Variants in GARIN2 observed in about 807,000 individuals in gnomAD.
The protein encoded by GARIN2 is Golgi-associated RAB2 interactor protein 2.
chr14:67,221,608 T>G, the GARIN2 span: 4 of 521,916 alleles, frequency 7.7e-6, no homozygotes, highest in East Asian at 5.9e-4. Context: ...ATTTAGGTAA[T>G]TTTATTCTCA....
At chr14:67,197,395 C>A in the GARIN2 span, 1 of 152,154 alleles carries the variant, frequency 6.6e-6, no homozygotes, top group African/African-American at 2.4e-5. Context: ...ACCATGTGGG[C>A]TGCATGGCCA....
At chr14:67,194,550 G>T in the GARIN2 span, among the ~76,000 whole-genome samples, 1 of 152,034 alleles carries the variant, frequency 6.6e-6, no homozygotes, top group African/African-American at 2.4e-5. Flanking sequence ...CTGTCACACA[G>T]GCTAGAGTGC....
At chr14:67,221,895 A>G in the GARIN2 span, 1 of 1,524,220 alleles carries the variant, frequency 6.6e-7, no homozygotes, top group Non-Finnish European at 8.9e-7. Flanking sequence ...TGTGGCTAAG[A>G]GCAAAGGAAT....
chr14:67,192,130 CAT>C, the GARIN2 span, among the ~76,000 whole-genome samples: 2 of 152,246 alleles, frequency 1.3e-5, no homozygotes, highest in Admixed American at 1.3e-4. Flanking sequence ...TTCCCTGCAA[CAT>C]AGCTCTGCAT....
the GARIN2 span, among the ~76,000 whole-genome samples, chr14:67,211,207 G>C: frequency 6.6e-6 from 1 of 152,004 alleles, no homozygotes; most frequent in Admixed American, 6.6e-5. Flanking sequence ...ACAATACCAG[G>C]CTCATGGTAA....
the GARIN2 span, among the ~76,000 whole-genome samples, chr14:67,210,729 G>T: frequency 6.6e-6 from 1 of 151,694 alleles, no homozygotes; most frequent in Non-Finnish European, 1.5e-5. Flanking sequence ...AATGAACTTT[G>T]CCACAGGTCA....
At chr14:67,220,433 C>T in the GARIN2 span, among the ~76,000 whole-genome samples, 1 of 150,986 alleles carries the variant, frequency 6.6e-6, no homozygotes, top group Non-Finnish European at 1.5e-5. Context: ...CAGAGAGAGA[C>T]CTTTTCTCAG....
At chr14:67,215,401 C>A in the GARIN2 span, among the ~76,000 whole-genome samples, 1 of 138,906 alleles carries the variant, frequency 7.2e-6, no homozygotes, top group Non-Finnish European at 1.5e-5. Context: ...GAACACTGAT[C>A]TATTGTTTTT....
the GARIN2 span, chr14:67,203,283 G>T: frequency 6.3e-7 from 1 of 1,585,652 alleles, no homozygotes; most frequent in Non-Finnish European, 8.6e-7. Context: ...AGAGAAACTA[G>T]TGCTCACCAG....
At chr14:67,212,515 TGGG>T in the GARIN2 span, among the ~76,000 whole-genome samples, 2 of 149,558 alleles carry the variant, frequency 1.3e-5, no homozygotes, top group Non-Finnish European at 3.0e-5. Flanking sequence ...CACCTAATCC[TGGG>T]GGGTTGAGGC....
the GARIN2 span, chr14:67,224,088 T>C: frequency 6.3e-6 from 5 of 790,742 alleles, no homozygotes; most frequent in Admixed American, 6.3e-5. Context: ...CTCAAATTCA[T>C]CTCTCAAACC....
the GARIN2 span, chr14:67,204,634 C>A: frequency 2.5e-6 from 4 of 1,613,822 alleles, no homozygotes. Flanking sequence ...CTACTTACAG[C>A]TCTGCACCTC....
At chr14:67,224,010 C>G in the GARIN2 span, 1 of 980,790 alleles carries the variant, frequency 1.0e-6, no homozygotes, top group Non-Finnish European at 1.2e-6. Context: ...AGTAGTAAAA[C>G]AAATTCCTGG....
the GARIN2 span, among the ~76,000 whole-genome samples, chr14:67,212,648 T>TATATATATGTA: frequency 6.8e-6 from 1 of 146,270 alleles, no homozygotes; most frequent in African/African-American, 2.5e-5. Flanking sequence ...ATATTACATA[T>TATATATATGTA]ATATATAATA....
chr14:67,208,143 A>T, the GARIN2 span: 1 of 1,594,502 alleles, frequency 6.3e-7, no homozygotes, highest in Non-Finnish European at 8.5e-7. Flanking sequence ...TGTTCCACAA[A>T]CACCTATTAC....
chr14:67,209,893 G>C, the GARIN2 span, among the ~76,000 whole-genome samples: 1 of 150,930 alleles, frequency 6.6e-6, no homozygotes, highest in East Asian at 1.9e-4. Context: ...GTAGGAATTT[G>C]TAAGGGATCC....
At chr14:67,208,622 T>C in the GARIN2 span, among the ~76,000 whole-genome samples, 1 of 152,352 alleles carries the variant, frequency 6.6e-6, no homozygotes, top group African/African-American at 2.4e-5. Flanking sequence ...TGGTTCAACT[T>C]TGGCTAATTT....
At chr14:67,193,220 CTATA>C in the GARIN2 span, among the ~76,000 whole-genome samples, 1 of 137,084 alleles carries the variant, frequency 7.3e-6, no homozygotes, top group African/African-American at 2.7e-5. Context: ...AGACATCTAT[CTATA>C]TATCTCTATA....
the GARIN2 span, among the ~76,000 whole-genome samples, chr14:67,197,873 G>A: frequency 6.6e-6 from 1 of 152,032 alleles, no homozygotes; most frequent in African/African-American, 2.4e-5. Flanking sequence ...CTGTTTTCAA[G>A]TCCTGATAGT....
Sources: allele counts gnomAD v4.1 joint callset (sites outside exome capture counted in the v4.1 genomes callset), GRCh38; gene constraint gnomAD v4.1.1; transcripts MANE v1.5; gene names NCBI Gene and HGNC (gene_info 2026-07-23, HGNC 2026-07-21).